Variants in FAM117B observed in about 807,000 individuals in gnomAD.
FAM117B encodes protein FAM117B.
A neutral mutation model predicts 52.8 loss-of-function variants in FAM117B; 22 were observed. The ratio of observed to expected loss-of-function variants is 0.42; its 90% CI spans 0.30 to 0.59. The LOEUF (loss-of-function observed/expected upper bound fraction) is 0.59. Among genes scored for constraint, FAM117B ranks in the 20% least tolerant of loss-of-function variants. The pLI is 0.22. For synonymous variants in FAM117B, 309 were observed against 324.1 expected, an observed-to-expected ratio of 0.95 and a Z score of 0.50; for missense variants, 678 against 802.6, an observed-to-expected ratio of 0.84 and a Z score of 1.88.
chr2:202,659,073 C>G (rs1027712677), intron 1 of FAM117B, among the ~76,000 whole-genome samples: 1 of 151,834 alleles, frequency 6.6e-6, no homozygotes, highest in African/African-American at 2.4e-5. Flanking sequence ...GTGGCATGTT[C>G]TGGCTCACTG....
chr2:202,722,729 T>C (rs1691174863), intron 2 of FAM117B, among the ~76,000 whole-genome samples: 1 of 152,070 alleles, frequency 6.6e-6, no homozygotes, highest in Non-Finnish European at 1.5e-5. Flanking sequence ...AGTACTAGGC[T>C]TAGTACCTGG....
At chr2:202,748,649 G>C (rs1191180703) in intron 4 of FAM117B, among the ~76,000 whole-genome samples, 1 of 152,000 alleles carries the variant, frequency 6.6e-6, no homozygotes, top group African/African-American at 2.4e-5. Flanking sequence ...CAGATTAAAT[G>C]TCTGACTAGA....
intron 2 of FAM117B, among the ~76,000 whole-genome samples, chr2:202,700,613 T>C (rs1022466898): frequency 6.6e-6 from 1 of 151,976 alleles, no homozygotes; most frequent in African/African-American, 2.4e-5. Context: ...CAAGTACTGA[T>C]ATAGAAACTG....
At chr2:202,726,967 C>A (rs1257528596) in intron 4 of FAM117B, among the ~76,000 whole-genome samples, 4 of 152,006 alleles carry the variant, frequency 2.6e-5, no homozygotes, top group African/African-American at 9.7e-5. Context: ...ATAGCTGTCT[C>A]ATAGAAGTCT....
At chr2:202,735,271 G>A (rs1168465847) in intron 4 of FAM117B, among the ~76,000 whole-genome samples, 2 of 152,072 alleles carry the variant, frequency 1.3e-5, no homozygotes, top group Non-Finnish European at 2.9e-5. Context: ...GTATTTGGGG[G>A]ATTCTTTGTG....
rs536309017 is a variant in FAM117B, at chr2:202,667,392, C to T, written c.602-28489C>T. On this transcript the variant is annotated intron_variant, in intron 1 of 7. Transcript: ENST00000392238. ...GTGGGATTATTAGCATGAGCCACCA[C>T]GCCCGGCCTAAGTATTTCTTTTTGA... 3.9e-5 allele frequency among the ~76,000 whole-genome samples: 6 copies of T among 152,238 alleles called. No individual in the cohort carries two copies. In the East Asian group the frequency reaches 1.2e-3, roughly 29 times the overall value.
At chr2:202,655,761 A>AGTGAGAGAGAGT (rs1690046816) in intron 1 of FAM117B, among the ~76,000 whole-genome samples, 12 of 100,468 alleles carry the variant, frequency 1.2e-4, no homozygotes, top group African/African-American at 3.4e-4. Context: ...AGAGAGAGAG[A>AGTGAGAGAGAGT]GTGTGTGTGT....
intron 4 of FAM117B, among the ~76,000 whole-genome samples, chr2:202,743,281 C>A (rs1010500957): frequency 6.6e-6 from 1 of 152,094 alleles, no homozygotes; most frequent in South Asian, 2.1e-4. Context: ...TCAGAGACAC[C>A]ACTGTTGCTG....
intron 4 of FAM117B, among the ~76,000 whole-genome samples, chr2:202,746,104 T>C (rs970198578): frequency 1.3e-5 from 2 of 152,184 alleles, no homozygotes; most frequent in East Asian, 1.9e-4. Flanking sequence ...ATTGAACTAA[T>C]AGACATTTAC....
chr2:202,693,734 G>A (rs1178731011), intron 1 of FAM117B, among the ~76,000 whole-genome samples: 2 of 152,124 alleles, frequency 1.3e-5, no homozygotes, highest in Non-Finnish European at 2.9e-5. Context: ...AGATCAGGAC[G>A]TGTGTATCTA....
intron 4 of FAM117B, among the ~76,000 whole-genome samples, chr2:202,747,723 A>G (rs1349017250): frequency 6.6e-6 from 1 of 152,134 alleles, no homozygotes; most frequent in African/African-American, 2.4e-5. Context: ...AAGAACAACA[A>G]TAAAAAACCC....
intron 1 of FAM117B, among the ~76,000 whole-genome samples, chr2:202,688,224 A>T (rs750823050): frequency 1.1e-4 from 17 of 152,190 alleles, no homozygotes; most frequent in Non-Finnish European, 2.2e-4. Context: ...TGAATCAAGG[A>T]GTATGAATTT....
At chr2:202,739,329 T>G (rs998797720) in intron 4 of FAM117B, among the ~76,000 whole-genome samples, 4 of 152,144 alleles carry the variant, frequency 2.6e-5, no homozygotes, top group Non-Finnish European at 5.9e-5. Flanking sequence ...ATTATGGATA[T>G]TCTATGCTTT....
chr2:202,688,698 A>G (rs1215308841), intron 1 of FAM117B, among the ~76,000 whole-genome samples: 1 of 152,296 alleles, frequency 6.6e-6, no homozygotes, highest in South Asian at 2.1e-4. Context: ...AAATGTTTTT[A>G]TCTTTTTTAG....
At position 202,766,091 on chromosome 2, in the gene FAM117B, CA is replaced by C. The variant is rs1485522462; in HGVS notation, c.*328del. Reference sequence around the variant, plus strand: ...ACACACACACACACACACACACACACACACACACACACACACCCCTGATCCT... The same window carrying C: ...ACACACACACACACACACACACACACCACACACACACACACCCCTGATCCT... On this transcript the variant is annotated 3_prime_UTR_variant, in exon 8 of 8. Transcript: ENST00000392238. 1.1e-4 allele frequency: 26 copies of C among 238,232 alleles called. No homozygotes were observed. Among genetic ancestry groups the C allele is most frequent in the Non-Finnish European group, 1.7e-4 (21 of 121,194 alleles). The allele number at this position is 238,232 out of a possible 1,614,324, so 14.8% of individuals were successfully genotyped here.
At chr2:202,754,959 G>T (rs1435922435) in intron 4 of FAM117B, among the ~76,000 whole-genome samples, 1 of 151,398 alleles carries the variant, frequency 6.6e-6, no homozygotes, top group Non-Finnish European at 1.5e-5. Flanking sequence ...CATGACGCTG[G>T]CATTTACTTG....
intron 2 of FAM117B, among the ~76,000 whole-genome samples, chr2:202,697,936 C>A (rs561695879): frequency 5.3e-5 from 8 of 152,142 alleles, no homozygotes; most frequent in Non-Finnish European, 8.8e-5. Flanking sequence ...GGGGCACAAT[C>A]TTGGCTCACT....
intron 1 of FAM117B, among the ~76,000 whole-genome samples, chr2:202,687,768 A>G (rs998872143): frequency 1.3e-5 from 2 of 152,156 alleles, no homozygotes; most frequent in African/African-American, 2.4e-5. Flanking sequence ...ATAATTACTA[A>G]TTGGATTTTT....
At chr2:202,668,675 G>A (rs1690248270) in intron 1 of FAM117B, among the ~76,000 whole-genome samples, 1 of 151,478 alleles carries the variant, frequency 6.6e-6, no homozygotes, top group African/African-American at 2.4e-5. Context: ...ATTTTCTAAA[G>A]TGTGGTATAG....
Sources: gnomAD v4.1 joint callset for allele counts (sites outside exome capture counted in the v4.1 genomes callset) on GRCh38, gnomAD v4.1.1 for gene constraint, MANE v1.5 for transcripts, NCBI Gene and HGNC (gene_info 2026-07-23, HGNC 2026-07-21) for gene names.